Variants in GALNT12 observed in about 807,000 individuals in gnomAD.
GALNT12 encodes the protein UDP-GalNAc:polypeptide N-acetylgalactosaminyltransferase 12.
GALNT12 carries 45 observed loss-of-function variants against 55.5 expected under a neutral mutation model. The observed-to-expected ratio is 0.81, with a 90% CI of 0.64 to 1.04. The LOEUF (loss-of-function observed/expected upper bound fraction) is 1.04, where lower values mean the gene tolerates loss of function less well. GALNT12 is among the 50% of genes least tolerant of loss of function. The pLI is 0.00. For missense variants in GALNT12, 709 were observed against 754.8 expected (o/e 0.94, Z 0.71); for synonymous variants, 304 against 312.2 (o/e 0.97, Z 0.28).
rs374448862 is a variant in GALNT12, at chr9:98,848,632, AAG to A, written c.1606-316_1606-315del. 30 of 387,976 alleles carry A rather than the reference AAG, an allele frequency of 7.7e-5. No individual in the cohort carries two copies. The East Asian group carries it at 7.8e-4, about 10-fold the overall frequency. 24.0% of individuals were successfully genotyped at this position (387,976 alleles called of 1,614,324 possible). On this transcript the variant is annotated intron_variant, in intron 9 of 9. Coordinates refer to ENST00000375011, the MANE Select transcript of GALNT12 (RefSeq NM_024642.5). ...GAATGAGTTGACCTAAGAGGAGTGA[AAG>A]AGATAAACAAAGGATCTTTGTTCCT...
chr9:98,816,389 GAAA>G (rs11423472), intron 1 of GALNT12, among the ~76,000 whole-genome samples: 1 of 130,972 alleles, frequency 7.6e-6, no homozygotes. Context: ...ATTAAAAAAA[GAAA>G]AAAAAAAAAA....
intron 1 of GALNT12, among the ~76,000 whole-genome samples, chr9:98,822,399 A>G (rs1835763921): frequency 6.6e-6 from 1 of 152,228 alleles, no homozygotes; most frequent in Non-Finnish European, 1.5e-5. Context: ...TGTGTCAACC[A>G]GGGAACCTTC....
intron 9 of GALNT12, 107 bp from the exon 10 acceptor site, chr9:98,848,845 A>C (rs1836480825): frequency 7.5e-7 from 1 of 1,340,850 alleles, no homozygotes; most frequent in Non-Finnish European, 1.0e-6. Flanking sequence ...ACCCCTCAAT[A>C]AATATTTCTG....
chr9:98,836,317 TTTATA>T, intron 5 of GALNT12, among the ~76,000 whole-genome samples: 1 of 152,338 alleles, frequency 6.6e-6, no homozygotes, highest in East Asian at 1.9e-4. Flanking sequence ...TTAATAATAT[TTTATA>T]TGGTGTTCTG....
chr9:98,829,931 A>G (rs1835954016), intron 3 of GALNT12, among the ~76,000 whole-genome samples: 1 of 152,244 alleles, frequency 6.6e-6, no homozygotes, highest in Non-Finnish European at 1.5e-5. Flanking sequence ...GCTGCAACAA[A>G]CATGAGAGTG....
At chr9:98,844,399 A>G (rs185905308) in intron 8 of GALNT12, 190 bp downstream of exon 8, 1 of 600,532 alleles carries the variant, frequency 1.7e-6, no homozygotes, top group East Asian at 2.9e-5. Context: ...CATAACACAC[A>G]GAGATTATGT....
intron 5 of GALNT12, among the ~76,000 whole-genome samples, chr9:98,835,961 C>G (rs1383536105): frequency 6.6e-6 from 1 of 152,180 alleles, no homozygotes; most frequent in African/African-American, 2.4e-5. Context: ...ATCTCAAACT[C>G]CTGACCTCAG....
intron 3 of GALNT12, among the ~76,000 whole-genome samples, chr9:98,829,761 T>C (rs1466685010): frequency 6.6e-6 from 1 of 152,206 alleles, no homozygotes; most frequent in African/African-American, 2.4e-5. Flanking sequence ...CCTAACGTAA[T>C]GACCTCCAGT....
At chr9:98,831,639 G>C in intron 3 of GALNT12, 133 bp from the exon 4 acceptor site, 1 of 1,047,888 alleles carries the variant, frequency 9.5e-7, no homozygotes, top group Non-Finnish European at 1.4e-6. Flanking sequence ...CCTGGAATAA[G>C]AGAAGCAGGT....
At chr9:98,810,399 G>A (rs1835469586) in intron 1 of GALNT12, among the ~76,000 whole-genome samples, 1 of 152,092 alleles carries the variant, frequency 6.6e-6, no homozygotes, top group Admixed American at 6.6e-5. Context: ...GGGTGGGGAT[G>A]ATTATTTCTA....
chr9:98,818,282 G>T (rs898665301), intron 1 of GALNT12, among the ~76,000 whole-genome samples: 3 of 151,622 alleles, frequency 2.0e-5, no homozygotes, highest in Admixed American at 1.3e-4. Flanking sequence ...GAGTGCAATG[G>T]TGCTATCTTG....
chr9:98,843,640 C>G (rs1318296647), intron 7 of GALNT12, among the ~76,000 whole-genome samples: 2 of 152,210 alleles, frequency 1.3e-5, no homozygotes, highest in African/African-American at 4.8e-5. Flanking sequence ...CTCCTGGCCT[C>G]AAGTGATCCA....
chr9:98,824,288 C>T (rs372171464), intron 2 of GALNT12, among the ~76,000 whole-genome samples: 4 of 152,162 alleles, frequency 2.6e-5, no homozygotes, highest in African/African-American at 9.7e-5. Flanking sequence ...GCCTCAGCTC[C>T]TTCTGCACCT....
At chr9:98,848,793 C>G (rs1836478638) in intron 9 of GALNT12, 159 bp from the exon 10 acceptor site, 1 of 832,806 alleles carries the variant, frequency 1.2e-6, no homozygotes. Context: ...GTGCTGTGTC[C>G]CCGGGACAGT....
rs754951224 is a variant in GALNT12 at position 98,831,877 on chromosome 9, C to T, written c.837C>T (p.Phe279=). The T allele has an allele frequency of 3.6e-5, 58 of 1,613,982 alleles. No individual in the cohort carries two copies. Among genetic ancestry groups the T allele is most frequent in the Admixed American group, 1.2e-4 (7 of 60,000 alleles). ...GNSGEPQIGG[F]DWRLVFTWHT... The stretch of plus-strand genomic sequence containing the variant: ...CCGGGGAGCCCCAGATCGGCGGTTT[C>T]GACTGGAGGCTGGTGTTCACGTGGC... The change falls in exon 4 of 10, where the codon TTC becomes TTT. Residue 279 remains phenylalanine, a synonymous_variant. Transcript: ENST00000375011.
intron 6 of GALNT12, among the ~76,000 whole-genome samples, chr9:98,839,150 G>T (rs7019009): frequency 1.3e-5 from 2 of 152,134 alleles, no homozygotes; most frequent in African/African-American, 2.4e-5. Flanking sequence ...TATTTTAGGG[G>T]GGCACTGAAT....
chr9:98,810,287 G>A (rs2118271122), intron 1 of GALNT12, among the ~76,000 whole-genome samples: 1 of 152,126 alleles, frequency 6.6e-6, no homozygotes. Context: ...CCTGAGGGAG[G>A]AGCATCTAGT....
At chr9:98,847,298 T>G (rs898961939) in intron 9 of GALNT12, 1 of 152,218 alleles carries the variant, frequency 6.6e-6, no homozygotes, top group African/African-American at 2.4e-5. Context: ...AGAAAAATGT[T>G]GTCACTAGCA....
rs948675964 is a variant in GALNT12 at position 98,835,177 on chromosome 9, T to G, written c.918-72T>G. ...GATGAACAGATGAAAGGGCTCGTGG[T>G]GGGAAGGTAGTTGGATAACTGTGAT... On this transcript the variant is annotated intron_variant, in intron 4 of 9. Transcript: ENST00000375011. The G allele has an allele frequency of 5.9e-6, 6 of 1,010,358 alleles. No individual in the cohort carries two copies. The African/African-American group carries it at 7.9e-5, about 13-fold the overall frequency. 62.6% of individuals were successfully genotyped at this position (1,010,358 alleles called of 1,614,324 possible). A position where few individuals can be genotyped will look rare whatever the true frequency, so the allele number is the denominator to read the frequency against.
Sources: allele counts gnomAD v4.1 joint callset (sites outside exome capture counted in the v4.1 genomes callset), GRCh38; gene constraint gnomAD v4.1.1; transcripts MANE v1.5; gene names NCBI Gene and HGNC (gene_info 2026-07-23, HGNC 2026-07-21).